MLLT3: variants seen among roughly 807,000 people sequenced by gnomAD.
MLLT3 encodes the protein protein AF-9.
A neutral mutation model predicts 53.2 loss-of-function variants in MLLT3; 4 were observed. The observed-to-expected ratio is 0.08, with a 90% confidence interval of 0.04 to 0.17. MLLT3 has a LOEUF of 0.17. MLLT3 is among the 10% of genes least tolerant of loss of function. The pLI, the probability that MLLT3 is intolerant of heterozygous loss-of-function variation, is 1.00. For missense variants in MLLT3, 569 were observed against 684.0 expected, an observed-to-expected ratio of 0.83 and a Z score of 1.87; for synonymous variants, 283 against 230.6, an observed-to-expected ratio of 1.23 and a Z score of -2.06.
At chr9:20,489,820 A>T (rs1469354222) in intron 2 of MLLT3, among the ~76,000 whole-genome samples, 1 of 152,186 alleles carries the variant, frequency 6.6e-6, no homozygotes, top group African/African-American at 2.4e-5. Context: ...CTAGGGGAAA[A>T]GTTAAAGGGA....
chr9:20,463,728 C>T (rs919004989), intron 2 of MLLT3, among the ~76,000 whole-genome samples: 4 of 152,128 alleles, frequency 2.6e-5, no homozygotes, highest in South Asian at 2.1e-4. Context: ...TAGAAACAGA[C>T]CTAATTTTTT....
In MLLT3 at chr9:20,346,305, A is replaced by G; in HGVS notation, c.*138T>C. ...GAAAAATAAAGCTGAAGGTTGTTTGATTTTTATTTTTTCCCTTTTGGTTGC... is the reference window on the plus strand; with the variant it reads ...GAAAAATAAAGCTGAAGGTTGTTTGGTTTTTATTTTTTCCCTTTTGGTTGC... On this transcript the variant is annotated 3_prime_UTR_variant, in exon 11 of 11. Transcript: ENST00000380338. The G allele has an allele frequency of 1.1e-6, 1 of 906,008 alleles. No homozygotes were observed. The highest frequency in any genetic ancestry group is 1.6e-6 in the Non-Finnish European group (1 of 636,896). 56.1% of individuals were successfully genotyped at this position (906,008 alleles called of 1,614,324 possible).
intron 2 of MLLT3, among the ~76,000 whole-genome samples, chr9:20,486,908 C>A (rs1271310900): frequency 6.6e-6 from 1 of 151,926 alleles, no homozygotes; most frequent in Non-Finnish European, 1.5e-5. Flanking sequence ...GAAAATTGTG[C>A]TAGGGGAATC....
In MLLT3 at chr9:20,471,833, A is replaced by T. The variant is rs79238205; in HGVS notation, c.194-15047T>A. Among the ~76,000 whole-genome samples, 1,162 of 143,242 alleles carry T rather than the reference A, an allele frequency of 8.1e-3. 17 individuals carry two copies. The highest frequency in any genetic ancestry group is 0.028 in the African/African-American group (1,093 of 39,428). 94.0% of individuals were successfully genotyped at this position (143,242 alleles called of 152,430 possible). A position where few individuals can be genotyped will look rare whatever the true frequency, so the allele number is the denominator to read the frequency against. On this transcript the variant is annotated intron_variant, in intron 2 of 10. Coordinates refer to ENST00000380338, the MANE Select transcript of MLLT3 (RefSeq NM_004529.4). Reference sequence around the variant, plus strand: ...TCTGCCCCTAAGGATGTCACCTACCATTTTTTTTTTTTTTGGATAGAAAAC... The same window carrying T: ...TCTGCCCCTAAGGATGTCACCTACCTTTTTTTTTTTTTTTGGATAGAAAAC...
intron 2 of MLLT3, among the ~76,000 whole-genome samples, chr9:20,486,359 G>C (rs1051870027): frequency 7.2e-5 from 11 of 152,008 alleles, no homozygotes; most frequent in Non-Finnish European, 1.2e-4. Flanking sequence ...TACCTATAAA[G>C]TTATATAACT....
At position 20,622,346 on chromosome 9, in the gene MLLT3, T is replaced by C. The variant is rs1563849138; in HGVS notation, c.-90A>G. 8.0e-7 allele frequency: 1 copy of C among 1,245,880 alleles called. No homozygotes were observed. Among genetic ancestry groups the C allele is most frequent in the Non-Finnish European group, 1.1e-6 (1 of 912,432 alleles). 77.2% of individuals were successfully genotyped at this position (1,245,880 alleles called of 1,614,324 possible). ...GCTGTAATTCATGAAGAGGCTGCTATGAATGAGAGCGCGCCCAGGAGCGGA... is the reference window on the plus strand; with the variant it reads ...GCTGTAATTCATGAAGAGGCTGCTACGAATGAGAGCGCGCCCAGGAGCGGA... On this transcript the variant is annotated 5_prime_UTR_variant, in exon 1 of 11. Transcript: ENST00000380338.
intron 4 of MLLT3, among the ~76,000 whole-genome samples, chr9:20,429,136 G>A (rs1009346967): frequency 6.6e-6 from 1 of 152,130 alleles, no homozygotes; most frequent in Non-Finnish European, 1.5e-5. Flanking sequence ...GGCCAAAGTG[G>A]GAAGAGTGCT....
In MLLT3 at chr9:20,556,348, T is replaced by C. The variant is rs112326412; in HGVS notation, c.193+64306A>G. 3.5e-3 allele frequency among the ~76,000 whole-genome samples: 539 copies of C among 152,180 alleles called. 3 individuals are homozygous for C. Among genetic ancestry groups the C allele is most frequent in the African/African-American group, 0.012 (506 of 41,514 alleles). ...TACATAAGTATGACATGATAATCCA[T>C]AAAAGACTCTAAAACATGAACATGT... is the stretch of plus-strand genomic sequence containing the variant. On this transcript the variant is annotated intron_variant, in intron 2 of 10. Coordinates refer to ENST00000380338, the MANE Select transcript of MLLT3 (RefSeq NM_004529.4).
intron 5 of MLLT3, among the ~76,000 whole-genome samples, chr9:20,398,496 C>T (rs1223500325): frequency 6.6e-6 from 1 of 152,080 alleles, no homozygotes; most frequent in Non-Finnish European, 1.5e-5. Flanking sequence ...AACCTGAGGA[C>T]ACAGAAATTG....
At position 20,621,533 on chromosome 9, in the gene MLLT3, G is replaced by C. The variant is rs903485965; in HGVS notation, c.13-699C>G. ...CACCCCCCAGCGAAAAGCCCCACGC[G>C]ATCGGCGAGGCCAGTCGAACCGAGC... On this transcript the variant is annotated intron_variant, in intron 1 of 10. Coordinates refer to ENST00000380338, the MANE Select transcript of MLLT3 (RefSeq NM_004529.4). The surrounding 1 kb of genome is among the most constrained non-coding windows in gnomAD (Gnocchi z 7.0). 9.3e-5 allele frequency among the ~76,000 whole-genome samples: 14 copies of C among 150,432 alleles called. No individual in the cohort carries two copies. Among genetic ancestry groups the C allele is most frequent in the African/African-American group, 3.2e-4 (13 of 40,658 alleles).
rs574263298 is a variant in MLLT3, at chr9:20,558,812, T to A, written c.193+61842A>T. ...TGCCCACTATGAGAAACTGTTGGCA[T>A]CATTTGCATCAGCAAGCTCTGTTTC... is the stretch of plus-strand genomic sequence containing the variant. On this transcript the variant is annotated intron_variant, in intron 2 of 10. Transcript: ENST00000380338. Among the ~76,000 whole-genome samples, 36 of 152,366 alleles carry A rather than the reference T, an allele frequency of 2.4e-4. 1 individual carries two copies. In the South Asian group the frequency reaches 7.5e-3, roughly 32 times the overall value.
In MLLT3 at chr9:20,620,603, G is replaced by T. The variant is rs1820976438; in HGVS notation, c.193+51C>A. 2 of 1,548,294 alleles carry T rather than the reference G, an allele frequency of 1.3e-6. No homozygotes were observed. Among genetic ancestry groups the T allele is most frequent in the Admixed American group, 1.8e-5 (1 of 56,432 alleles). ...GACAGCGGGACCGCCCGGGCCAAGCGATTGTTTCAAAGACATTTTTTATCA... is the reference window on the plus strand; with the variant it reads ...GACAGCGGGACCGCCCGGGCCAAGCTATTGTTTCAAAGACATTTTTTATCA... On this transcript the variant is annotated intron_variant, in intron 2 of 10. Coordinates refer to ENST00000380338, the MANE Select transcript of MLLT3 (RefSeq NM_004529.4). This position sits in a 1 kb window ranked among gnomAD's most constrained non-coding sequence, Gnocchi z 6.1.
At chr9:20,543,204 T>C (rs1818687805) in intron 2 of MLLT3, among the ~76,000 whole-genome samples, 1 of 152,192 alleles carries the variant, frequency 6.6e-6, no homozygotes, top group African/African-American at 2.4e-5. Flanking sequence ...AGGAGCACAT[T>C]TAGTTTCCTG....
intron 2 of MLLT3, among the ~76,000 whole-genome samples, chr9:20,566,182 T>C (rs1469218627): frequency 6.6e-6 from 1 of 150,624 alleles, no homozygotes; most frequent in African/African-American, 2.4e-5. Context: ...CTCATGCCTG[T>C]AATCCCAGCA....
At chr9:20,399,844 G>C (rs915658120) in intron 5 of MLLT3, among the ~76,000 whole-genome samples, 2 of 152,070 alleles carry the variant, frequency 1.3e-5, no homozygotes, top group East Asian at 1.9e-4. Flanking sequence ...TAAATGGAAA[G>C]AATCAAGCAC....
chr9:20,551,889 A>C (rs565016624), intron 2 of MLLT3, among the ~76,000 whole-genome samples: 2 of 152,250 alleles, frequency 1.3e-5, no homozygotes, highest in South Asian at 4.2e-4. Flanking sequence ...ACCTCACGAA[A>C]TTCATGTTGT....
chr9:20,584,939 T>G (rs570474988), intron 2 of MLLT3, among the ~76,000 whole-genome samples: 2 of 152,364 alleles, frequency 1.3e-5, no homozygotes, highest in African/African-American at 4.8e-5. Flanking sequence ...CTTCAAATTT[T>G]GGGCAGTTAT....
At chr9:20,614,740 T>C (rs1380948851) in intron 2 of MLLT3, among the ~76,000 whole-genome samples, 1 of 152,178 alleles carries the variant, frequency 6.6e-6, no homozygotes, top group African/African-American at 2.4e-5. Flanking sequence ...TTCTATGACA[T>C]CTCTTTTGAA....
intron 2 of MLLT3, among the ~76,000 whole-genome samples, chr9:20,563,734 AGAG>A (rs1350908461): frequency 6.6e-6 from 1 of 152,116 alleles, no homozygotes; most frequent in Admixed American, 6.6e-5. Context: ...GACAGAACAA[AGAG>A]TAGTCAGACC....
Sources: allele counts gnomAD v4.1 joint callset (sites outside exome capture counted in the v4.1 genomes callset), GRCh38; gene constraint gnomAD v4.1.1; non-coding constraint Gnocchi (gnomAD v3.1); transcripts MANE v1.5; gene names NCBI Gene and HGNC (gene_info 2026-07-23, HGNC 2026-07-21).